Variants in KALRN observed in about 807,000 individuals in gnomAD.
KALRN encodes kalirin RhoGEF kinase, also known as kalirin.
Under a neutral mutation model 353.7 loss-of-function variants are expected in KALRN, and 70 were observed. That is an observed-to-expected ratio of 0.20 (90% confidence interval 0.16 to 0.24). The LOEUF is 0.24. Ranked by LOEUF, KALRN falls within the 10% of genes least tolerant of loss-of-function variation. The pLI is 1.00. For synonymous variants in KALRN, 1,391 were observed against 1,434.8 expected (o/e 0.97, Z 0.69); for missense variants, 2,791 against 3,756.7 (o/e 0.74, Z 6.72).
At chr3:124,504,111 A>G (rs2064939779) in intron 33 of KALRN, among the ~76,000 whole-genome samples, 1 of 152,230 alleles carries the variant, frequency 6.6e-6, no homozygotes, top group African/African-American at 2.4e-5. Context: ...TTTCAGGTTT[A>G]TACAAGTACT....
chr3:124,477,376 G>A (rs1347781146), intron 27 of KALRN, 42 bp downstream of exon 27: 1 of 1,410,220 alleles, frequency 7.1e-7, no homozygotes, highest in Non-Finnish European at 1.0e-6. Context: ...ATGAGCAGGT[G>A]GAAATGCTTC....
Position 124,544,422 on chromosome 3 carries a change from G to A in KALRN, c.4936-18421G>A, listed in dbSNP as rs139276241. ...CTAAAAATACAAAAATGAGTCAGGC[G>A]TGGTGGTGGGTGCCTGTAATCCCAG... On this transcript the variant is annotated intron_variant, in intron 33 of 59. Transcript: ENST00000682506. 1.8e-4 allele frequency among the ~76,000 whole-genome samples: 27 copies of A among 152,240 alleles called. No individual in the cohort carries two copies. The East Asian group carries it at 1.9e-3, about 11-fold the overall frequency.
intron 3 of KALRN, among the ~76,000 whole-genome samples, chr3:124,240,124 G>T (rs7648526): frequency 0.019 from 2,897 of 152,152 alleles, 92 homozygotes; most frequent in African/African-American, 0.066. Flanking sequence ...CCTATTGTTG[G>T]CTATATGTAA....
At chr3:124,653,603 G>A (rs1367395779) in intron 38 of KALRN, among the ~76,000 whole-genome samples, 3 of 152,176 alleles carry the variant, frequency 2.0e-5, no homozygotes, top group African/African-American at 7.2e-5. Flanking sequence ...ACAAAGACCG[G>A]GGGAGGTAAA....
At chr3:124,120,300 C>T (rs2063843944) in intron 1 of KALRN, among the ~76,000 whole-genome samples, 1 of 152,172 alleles carries the variant, frequency 6.6e-6, no homozygotes, top group Non-Finnish European at 1.5e-5. Flanking sequence ...GGTGGTCTTG[C>T]TGTCCAAAGT....
At chr3:124,576,844 AT>A (rs924846985) in intron 34 of KALRN, among the ~76,000 whole-genome samples, 1 of 152,242 alleles carries the variant, frequency 6.6e-6, no homozygotes, top group Non-Finnish European at 1.5e-5. Context: ...GTTTACCTTA[AT>A]TGAAACTCAG....
At chr3:124,528,423 T>G (rs2067770447) in intron 33 of KALRN, among the ~76,000 whole-genome samples, 1 of 152,152 alleles carries the variant, frequency 6.6e-6, no homozygotes, top group African/African-American at 2.4e-5. Context: ...GTCACAGTTG[T>G]GGGTAAATGT....
chr3:124,441,549 G>T (rs2093665568), intron 18 of KALRN, among the ~76,000 whole-genome samples: 1 of 152,178 alleles, frequency 6.6e-6, no homozygotes, highest in African/African-American at 2.4e-5. Context: ...GAGGAGCCAG[G>T]TGCCATGGCT....
intron 1 of KALRN, among the ~76,000 whole-genome samples, chr3:124,218,364 CT>C (rs1336189704): frequency 6.6e-6 from 1 of 152,174 alleles, no homozygotes; most frequent in Admixed American, 6.5e-5. Context: ...TGTGTCTGAA[CT>C]TGCACAGCAC....
chr3:124,420,022 ATTC>A (rs2092705346), intron 14 of KALRN, among the ~76,000 whole-genome samples: 1 of 152,150 alleles, frequency 6.6e-6, no homozygotes, highest in African/African-American at 2.4e-5. Flanking sequence ...GGTAATTTCT[ATTC>A]TTCTAGGTGT....
intron 1 of KALRN, among the ~76,000 whole-genome samples, chr3:124,070,691 A>G (rs2059975950): frequency 6.6e-6 from 1 of 152,196 alleles, no homozygotes. Flanking sequence ...TGCCTATCCC[A>G]GTGTTGTTTA....
intron 1 of KALRN, among the ~76,000 whole-genome samples, chr3:124,107,171 C>T (rs1353106050): frequency 6.6e-6 from 1 of 152,134 alleles, no homozygotes; most frequent in African/African-American, 2.4e-5. Flanking sequence ...TAATGAGCTC[C>T]ATATTTTATA....
chr3:124,390,985 A>G (rs1410360513), intron 11 of KALRN, among the ~76,000 whole-genome samples: 3 of 152,120 alleles, frequency 2.0e-5, no homozygotes, highest in Admixed American at 6.5e-5. Flanking sequence ...AATCTTATGT[A>G]GGGCATGGAA....
intron 26 of KALRN, among the ~76,000 whole-genome samples, chr3:124,475,782 A>G (rs1364540261): frequency 1.3e-5 from 2 of 152,172 alleles, no homozygotes; most frequent in Non-Finnish European, 2.9e-5. Flanking sequence ...GCTTTTTTTC[A>G]TGAAATCTTA....
chr3:124,221,023 T>C (rs1293882996), intron 1 of KALRN, among the ~76,000 whole-genome samples: 4 of 152,192 alleles, frequency 2.6e-5, no homozygotes, highest in African/African-American at 7.2e-5. Context: ...CAGACCTGGC[T>C]CTCGGAGTCT....
At chr3:124,364,293 C>G (rs553756729) in intron 10 of KALRN, among the ~76,000 whole-genome samples, 1 of 152,172 alleles carries the variant, frequency 6.6e-6, no homozygotes, top group East Asian at 1.9e-4. Context: ...CTGTGAATGT[C>G]AGGAACAGTC....
At chr3:124,082,539 A>G (rs2060598238) in intron 1 of KALRN, among the ~76,000 whole-genome samples, 1 of 152,210 alleles carries the variant, frequency 6.6e-6, no homozygotes, top group African/African-American at 2.4e-5. Context: ...CATAGTGAGG[A>G]ATGCAGAAGG....
chr3:124,411,411 C>G (rs1198811284), intron 13 of KALRN, among the ~76,000 whole-genome samples: 1 of 129,904 alleles, frequency 7.7e-6, no homozygotes, highest in Non-Finnish European at 1.6e-5. Flanking sequence ...ACTGTAAAAG[C>G]CTATGTATAC....
chr3:124,591,559 T>G (rs992771481), intron 34 of KALRN, among the ~76,000 whole-genome samples: 6 of 152,230 alleles, frequency 3.9e-5, no homozygotes, highest in African/African-American at 1.2e-4. Flanking sequence ...GCCAGCCCTG[T>G]GCTAGGTGCT....
Sources: gnomAD v4.1 joint callset for allele counts (sites outside exome capture counted in the v4.1 genomes callset) on GRCh38, gnomAD v4.1.1 for gene constraint, MANE v1.5 for transcripts, NCBI Gene and HGNC (gene_info 2026-07-23, HGNC 2026-07-21) for gene names.